RTL4: variants seen among roughly 807,000 people sequenced by gnomAD.
RTL4 encodes the protein retrotransposon Gag-like protein 4.
In RTL4, 4 loss-of-function variants were observed where a neutral mutation model predicts 5.3. The ratio of observed to expected loss-of-function variants is 0.75; its 90% confidence interval spans 0.37 to 1.72. The LOEUF (loss-of-function observed/expected upper bound fraction) is 1.72. Ranked by LOEUF, RTL4 falls within the 40% of genes most tolerant of loss-of-function variation. The pLI is 0.04. For missense variants in RTL4, 260 were observed against 227.1 expected (o/e 1.14, Z -0.93); for synonymous variants, 98 against 87.3 (o/e 1.12, Z -0.68).
At chrX:112,116,733 C>G in the RTL4 span, among the ~76,000 whole-genome samples, 1 of 111,765 alleles carries the variant, frequency 8.9e-6, no homozygotes, top group Non-Finnish European at 1.9e-5. Context: ...GAAAAGTTCT[C>G]CAAGTTGCCA....
the RTL4 span, among the ~76,000 whole-genome samples, chrX:112,288,279 T>TGA: frequency 3.6e-5 from 4 of 112,476 alleles, no homozygotes; most frequent in Admixed American, 3.8e-4. Flanking sequence ...AGGTTGCTAG[T>TGA]GAGAGAAACA....
At chrX:112,280,385 G>C in the RTL4 span, among the ~76,000 whole-genome samples, 1 of 111,415 alleles carries the variant, frequency 9.0e-6, no homozygotes, top group African/African-American at 3.3e-5. Flanking sequence ...TTGGGTGATG[G>C]GATCATTCAT....
the RTL4 span, among the ~76,000 whole-genome samples, chrX:112,231,631 T>G: frequency 9.6e-6 from 1 of 104,650 alleles, no homozygotes; most frequent in Non-Finnish European, 2.0e-5. Flanking sequence ...AAATGACGAG[T>G]TAATGGGTGC....
At chrX:112,311,681 A>G in the RTL4 span, among the ~76,000 whole-genome samples, 3 of 111,332 alleles carry the variant, frequency 2.7e-5, no homozygotes, top group East Asian at 5.7e-4. Flanking sequence ...TTTTCTATTC[A>G]TTAGTGTATT....
chrX:112,378,862 C>A, the RTL4 span, among the ~76,000 whole-genome samples: 12 of 112,305 alleles, frequency 1.1e-4, no homozygotes, highest in African/African-American at 3.9e-4. Context: ...TCTCCAACAG[C>A]GTACCATCCC....
chrX:112,291,321 A>G, the RTL4 span, among the ~76,000 whole-genome samples: 2 of 109,197 alleles, frequency 1.8e-5, no homozygotes, highest in African/African-American at 6.7e-5. Context: ...GCATTTTGCA[A>G]ACAAGATGTG....
At chrX:112,208,558 T>C in the RTL4 span, among the ~76,000 whole-genome samples, 1 of 112,105 alleles carries the variant, frequency 8.9e-6, no homozygotes, top group South Asian at 3.8e-4. Flanking sequence ...AAAAAGTCAA[T>C]ATAGCGATCA....
the RTL4 span, among the ~76,000 whole-genome samples, chrX:112,243,119 C>T: frequency 2.7e-5 from 3 of 111,032 alleles, no homozygotes; most frequent in Non-Finnish European, 3.8e-5. Context: ...CTTTTCGCAT[C>T]GATGTTCATC....
At chrX:112,353,111 T>G in the RTL4 span, among the ~76,000 whole-genome samples, 1 of 111,186 alleles carries the variant, frequency 9.0e-6, no homozygotes, top group African/African-American at 3.3e-5. Flanking sequence ...ATCAGAGAAA[T>G]GCAAATAAAA....
chrX:112,212,048 T>C, the RTL4 span, among the ~76,000 whole-genome samples: 1 of 112,168 alleles, frequency 8.9e-6, no homozygotes, highest in African/African-American at 3.2e-5. Context: ...GGGATAACAA[T>C]AGTACCTTCT....
At chrX:112,230,170 G>C in the RTL4 span, among the ~76,000 whole-genome samples, 3 of 112,717 alleles carry the variant, frequency 2.7e-5, no homozygotes, top group African/African-American at 9.7e-5. Flanking sequence ...GCTGTGGTGG[G>C]CTCCACCCAG....
At chrX:112,271,015 T>C in the RTL4 span, among the ~76,000 whole-genome samples, 1 of 93,605 alleles carries the variant, frequency 1.1e-5, no homozygotes, top group East Asian at 3.3e-4. Flanking sequence ...CTCTAAGATA[T>C]GGAACTGCTG....
At chrX:112,107,972 T>C in the RTL4 span, among the ~76,000 whole-genome samples, 1 of 111,636 alleles carries the variant, frequency 9.0e-6, no homozygotes, top group Non-Finnish European at 1.9e-5. Context: ...GTCCTGTAAA[T>C]CTTATAAGCT....
At chrX:112,199,076 C>A in the RTL4 span, among the ~76,000 whole-genome samples, 1 of 110,269 alleles carries the variant, frequency 9.1e-6, no homozygotes, top group Admixed American at 9.7e-5. Context: ...ATCACGAGGT[C>A]AGGAGATCGA....
At chrX:112,135,254 G>A in the RTL4 span, among the ~76,000 whole-genome samples, 1 of 111,730 alleles carries the variant, frequency 9.0e-6, no homozygotes, top group African/African-American at 3.2e-5. Flanking sequence ...TCTCATAGCT[G>A]TGTAGCAATA....
chrX:112,402,410 GTGTGTGTGTGT>G, the RTL4 span, among the ~76,000 whole-genome samples: 1 of 101,155 alleles, frequency 9.9e-6, no homozygotes, highest in East Asian at 3.2e-4. Flanking sequence ...TTGTGTGTGT[GTGTGTGTGTGT>G]GTGTGTGTGT....
At chrX:112,431,698 A>G in the RTL4 span, among the ~76,000 whole-genome samples, 1 of 110,192 alleles carries the variant, frequency 9.1e-6, no homozygotes, top group Non-Finnish European at 1.9e-5. Context: ...TTAGCTTTTT[A>G]TTTGTTGTTA....
At chrX:112,337,282 T>G in the RTL4 span, among the ~76,000 whole-genome samples, 4 of 111,661 alleles carry the variant, frequency 3.6e-5, no homozygotes, top group African/African-American at 1.3e-4. Flanking sequence ...AATTATTTAT[T>G]TTATTTTAAT....
chrX:112,100,559 T>A, the RTL4 span, among the ~76,000 whole-genome samples: 1 of 112,070 alleles, frequency 8.9e-6, no homozygotes, highest in Admixed American at 9.5e-5. Context: ...TTAGTTAAGA[T>A]TTATTTTAGC....
Sources: gnomAD v4.1 joint callset for allele counts (sites outside exome capture counted in the v4.1 genomes callset) on GRCh38, gnomAD v4.1.1 for gene constraint, MANE v1.5 for transcripts, NCBI Gene and HGNC (gene_info 2026-07-23, HGNC 2026-07-21) for gene names.